SLFN14: variants seen among roughly 807,000 people sequenced by gnomAD.
SLFN14 encodes schlafen family member 14, also known as protein SLFN14.
SLFN14 carries 47 observed loss-of-function variants against 58.6 expected under a neutral mutation model. The observed-to-expected ratio is 0.80, with a 90% CI of 0.64 to 1.02. The LOEUF (loss-of-function observed/expected upper bound fraction) is 1.02, where lower values mean the gene tolerates loss of function less well. Among genes scored for constraint, SLFN14 ranks in the 50% least tolerant of loss-of-function variants. The pLI is 0.00. For synonymous variants in SLFN14, 390 were observed against 387.3 expected (o/e 1.01, Z -0.08); for missense variants, 967 against 1,078.4 (o/e 0.90, Z 1.45).
At chr17:35,550,380 T>C (rs1192962078) in intron 5 of SLFN14, among the ~76,000 whole-genome samples, 1 of 152,140 alleles carries the variant, frequency 6.6e-6, no homozygotes, top group Non-Finnish European at 1.5e-5. Flanking sequence ...ACCCCGTCTC[T>C]ACTAAAAATA....
intron 3 of SLFN14, among the ~76,000 whole-genome samples, chr17:35,554,951 T>G (rs1190244733): frequency 6.6e-6 from 1 of 152,008 alleles, no homozygotes; most frequent in African/African-American, 2.4e-5. Context: ...TCATTTCACC[T>G]CTCTCTCACG....
chr17:35,552,785 T>G lies in SLFN14; in HGVS notation c.1849A>C (p.Lys617Gln), dbSNP rs2072608028. 1 of 1,551,444 alleles carries G rather than the reference T, an allele frequency of 6.4e-7. No homozygotes were observed. The highest frequency in any genetic ancestry group is 8.7e-7 in the Non-Finnish European group (1 of 1,146,940). The change falls in exon 5 of 6, where the codon AAA (lysine) becomes CAA (glutamine). Residue 617 changes from lysine (K) to glutamine (Q), a missense_variant. Lys to Gln is a moderately conservative substitution (Grantham distance 53). Coordinates refer to ENST00000674182, the MANE Select transcript of SLFN14 (RefSeq NM_001129820.2). ...CAAACATAGAGGATCTCTTTTGGTT[T>G]GCAGTGAAACAAGTCCTTAATTTTC... ...MEKIKDLFHC[K>Q]PKEILYVCES...
rs2072667084 is a variant in SLFN14, at chr17:35,557,697, C to A, written c.366G>T (p.Arg122Ser). Residue 122 changes from arginine to serine, a missense_variant, in exon 3 of 6, where the codon AGG becomes AGT. Physicochemically the swap from Arg to Ser is moderately radical, Grantham distance 110. Coordinates refer to ENST00000674182, the MANE Select transcript of SLFN14 (RefSeq NM_001129820.2). ...WSPDVFSLPL[R>S]ICSLRSNLYR... is the part of the protein sequence containing the mutation. ...ACAAATTGGAGCGCAAGCTGCAAATCCTTAGTGGAAGGCTGAAAACATCTG... is the reference window on the plus strand; with the variant it reads ...ACAAATTGGAGCGCAAGCTGCAAATACTTAGTGGAAGGCTGAAAACATCTG... 3 of 1,551,570 alleles carry A rather than the reference C, an allele frequency of 1.9e-6. No homozygotes were observed. The African/African-American group carries it at 4.1e-5, about 21-fold the overall frequency.
intron 2 of SLFN14, among the ~76,000 whole-genome samples, chr17:35,558,769 C>A (rs895557667): frequency 1.3e-5 from 2 of 151,974 alleles, no homozygotes; most frequent in Admixed American, 1.3e-4. Flanking sequence ...GGCACAGGAG[C>A]CCAGGAAGGT....
intron 5 of SLFN14, among the ~76,000 whole-genome samples, chr17:35,552,264 G>A (rs191848420): frequency 3.9e-5 from 6 of 152,230 alleles, no homozygotes; most frequent in South Asian, 2.1e-4. Flanking sequence ...GTTGAGGGGG[G>A]CACTGAGAGA....
rs1368492752 is a variant in SLFN14, at chr17:35,557,470, T to C, written c.593A>G (p.Tyr198Cys). The C allele has an allele frequency of 2.6e-6, 4 of 1,551,744 alleles. No homozygotes were observed. The highest frequency in any genetic ancestry group is 3.5e-6 in the Non-Finnish European group (4 of 1,147,006). ...SEFFKKDKLM[Y>C]KEKLNFTEST... ...CTCAGTAAAGTTGAGTTTCTCCTTATACATGAGTTTGTCCTTTTTAAAAAA... is the reference window on the plus strand; with the variant it reads ...CTCAGTAAAGTTGAGTTTCTCCTTACACATGAGTTTGTCCTTTTTAAAAAA... The change falls in exon 3 of 6, where the codon TAT becomes TGT. Residue 198 changes from tyrosine to cysteine, a missense_variant. By Grantham distance (194) the Tyr-to-Cys change is radical. Transcript: ENST00000674182.
chr17:35,552,091 G>C (rs576145597), intron 5 of SLFN14, among the ~76,000 whole-genome samples: 6 of 152,278 alleles, frequency 3.9e-5, no homozygotes, highest in Non-Finnish European at 8.8e-5. Flanking sequence ...AATCTACCAC[G>C]GACCCCTGGA....
At position 35,553,225 on chromosome 17, in the gene SLFN14, T is replaced by C. The variant is rs2072614177; in HGVS notation, c.1409A>G (p.Tyr470Cys). ...CCAATTGGGGTCTATTAAGATTGTA[T>C]AGAGTACCACGGGGCTGTTAACTGC... ...LIAVNSPVVLYTILIDPNWPG... is the reference protein window; with the variant it reads ...LIAVNSPVVLCTILIDPNWPG... Residue 470 changes from tyrosine to cysteine, a missense_variant, in exon 5 of 6, where the codon TAT becomes TGT. Transcript: ENST00000674182. 1.3e-6 allele frequency: 2 copies of C among 1,551,670 alleles called. No individual in the cohort carries two copies. The highest frequency in any genetic ancestry group is 8.7e-7 in the Non-Finnish European group (1 of 1,146,988).
chr17:35,554,564 A>C lies in SLFN14; in HGVS notation c.1189+12T>G. 3.9e-6 allele frequency: 6 copies of C among 1,523,952 alleles called. No homozygotes were observed. The highest frequency in any genetic ancestry group is 4.4e-6 in the Non-Finnish European group (5 of 1,135,704). The allele number at this position is 1,523,952 out of a possible 1,614,324, so 94.4% of individuals were successfully genotyped here. The stretch of plus-strand genomic sequence containing the variant: ...ACAAATAGTCCCCTAAGTTGAAATC[A>C]AGAGGGAATACCTGGAAACAAATGT... On this transcript the variant is annotated intron_variant, in intron 4 of 5. Coordinates refer to ENST00000674182, the MANE Select transcript of SLFN14 (RefSeq NM_001129820.2).
intron 3 of SLFN14, among the ~76,000 whole-genome samples, chr17:35,555,585 T>C (rs1183490635): frequency 6.6e-6 from 1 of 151,376 alleles, no homozygotes. Context: ...CAGTTGTTTA[T>C]GTCCCCATCT....
At chr17:35,555,484 G>C (rs2072643558) in intron 3 of SLFN14, among the ~76,000 whole-genome samples, 1 of 151,864 alleles carries the variant, frequency 6.6e-6, no homozygotes, top group African/African-American at 2.4e-5. Flanking sequence ...CCTGGGAGGC[G>C]GAGGCTGCAG....
rs978178512 is a variant in SLFN14, at chr17:35,553,263, A to T, written c.1371T>A (p.Asp457Glu). 1 of 1,551,708 alleles carries T rather than the reference A, an allele frequency of 6.4e-7. No individual in the cohort carries two copies. ...GGCTGTTAACTGCTATCAGGAGAGC[A>T]TCACACAGGACATTCTGTTCTTTCC... is the stretch of plus-strand genomic sequence containing the variant. ...GFRKEQNVLC[D>E]ALLIAVNSPV... The change falls in exon 5 of 6, where the codon GAT becomes GAA. Residue 457 changes from aspartate to glutamate, a missense_variant. Transcript: ENST00000674182.
chr17:35,552,241 C>T (rs321605), intron 5 of SLFN14, among the ~76,000 whole-genome samples: 97,729 of 151,884 alleles, frequency 0.64, 31,567 homozygotes, highest in East Asian at 0.71. Flanking sequence ...CCCAATAGCA[C>T]TTGGGTTTTC....
intron 5 of SLFN14, among the ~76,000 whole-genome samples, chr17:35,552,033 G>A (rs920810778): frequency 1.3e-5 from 2 of 152,148 alleles, no homozygotes; most frequent in East Asian, 3.8e-4. Context: ...AAGCTGCAAA[G>A]CTACAAATGG....
In SLFN14 at chr17:35,557,110, C is replaced by G; in HGVS notation, c.953G>C (p.Cys318Ser). Reference sequence around the variant, plus strand: ...TGGGGCCTCTGCAAACACCACGCAACAGAAGGGCTCCACTTGAATCACACA... The same window carrying G: ...TGGGGCCTCTGCAAACACCACGCAAGAGAAGGGCTCCACTTGAATCACACA... ...YVCVIQVEPF[C>S]CVVFAEAPDS... is the part of the protein sequence containing the mutation. The change falls in exon 3 of 6, where the codon TGT (cysteine) becomes TCT (serine). Residue 318 changes from cysteine to serine, a missense_variant. Physicochemically the swap from Cys to Ser is moderately radical, Grantham distance 112 (BLOSUM62 -1). Coordinates refer to ENST00000674182, the MANE Select transcript of SLFN14 (RefSeq NM_001129820.2). 1.9e-6 allele frequency: 3 copies of G among 1,551,688 alleles called. No homozygotes were observed. The highest frequency in any genetic ancestry group is 2.6e-6 in the Non-Finnish European group (3 of 1,146,996).
Position 35,553,092 on chromosome 17 carries a change from G to A in SLFN14, c.1542C>T (p.His514=). ...CAGGTCTACTCTGTGTGCTGCTCAG[G>A]TGTATCAGCCTTGGAATGATGCACA... is the stretch of plus-strand genomic sequence containing the variant. ...GKVCIIPRLI[H]LSSTQSRPGE... is the part of the protein sequence containing the mutation. The change falls in exon 5 of 6, where the codon CAC becomes CAT. Residue 514 remains histidine, a synonymous_variant. Transcript: ENST00000674182. 1 of 1,551,640 alleles carries A rather than the reference G, an allele frequency of 6.4e-7. No homozygotes were observed. Among genetic ancestry groups the A allele is most frequent in the Non-Finnish European group, 8.7e-7 (1 of 1,146,998 alleles).
intron 4 of SLFN14, among the ~76,000 whole-genome samples, 195 bp downstream of exon 4, chr17:35,554,377 GTATA>G (rs1348397676): frequency 2.1e-5 from 3 of 145,374 alleles, no homozygotes; most frequent in Non-Finnish European, 4.5e-5. Context: ...TTTTAAATAA[GTATA>G]TATATGACCC....
At chr17:35,554,926 C>T (rs2072636719) in intron 3 of SLFN14, among the ~76,000 whole-genome samples, 2 of 152,068 alleles carry the variant, frequency 1.3e-5, no homozygotes, top group South Asian at 2.1e-4. Flanking sequence ...CACTGTGTGA[C>T]TCGGCTTGAG....
In SLFN14 at chr17:35,548,041, G is replaced by A. The variant is rs2072547873; in HGVS notation, c.*198C>T. ...AAGTCTATTGTAATTGTATAGGTAG[G>A]AGGTGAAGGAAATTGTGAAAAGGCC... On this transcript the variant is annotated 3_prime_UTR_variant, in exon 6 of 6. Coordinates refer to ENST00000674182, the MANE Select transcript of SLFN14 (RefSeq NM_001129820.2). 1.7e-6 allele frequency: 1 copy of A among 598,540 alleles called. No individual in the cohort carries two copies. Among genetic ancestry groups the A allele is most frequent in the South Asian group, 2.1e-5 (1 of 47,722 alleles). 37.1% of individuals were successfully genotyped at this position (598,540 alleles called of 1,614,324 possible). A position where few individuals can be genotyped will look rare whatever the true frequency, so the allele number is the denominator to read the frequency against.
Sources: gnomAD v4.1 joint callset for allele counts (sites outside exome capture counted in the v4.1 genomes callset) on GRCh38, gnomAD v4.1.1 for gene constraint, MANE v1.5 for transcripts, NCBI Gene and HGNC (gene_info 2026-07-23, HGNC 2026-07-21) for gene names.